NCKAP5: variants seen among roughly 807,000 people sequenced by gnomAD.
The protein encoded by NCKAP5 is nck-associated protein 5.
NCKAP5 carries 92 observed loss-of-function variants against 167.0 expected under a neutral mutation model. The ratio of observed to expected loss-of-function variants is 0.55; its 90% confidence interval spans 0.47 to 0.66. NCKAP5 has a LOEUF of 0.66. Ranked by LOEUF, NCKAP5 falls within the 30% of genes least tolerant of loss-of-function variation. The pLI is 0.00. For missense variants in NCKAP5, 2,378 were observed against 2,315.0 expected (o/e 1.03, Z -0.56); for synonymous variants, 891 against 877.4 (o/e 1.02, Z -0.27).
rs144672164 is a variant in NCKAP5, at chr2:132,868,686, C to T, written c.687+250G>A. On this transcript the variant is annotated intron_variant, in intron 10 of 19. Transcript: ENST00000409261. ...CTAAATAAAAATGGTGGGTTTGCTA[C>T]TCATCTGGGTAAATGAAAATCACCT... Among the ~76,000 whole-genome samples the T allele has an allele frequency of 1.4e-3, 209 of 152,270 alleles. 1 individual carries two copies. Among genetic ancestry groups the T allele is most frequent in the African/African-American group, 4.7e-3 (197 of 41,564 alleles).
At chr2:132,702,837 G>A (rs1688008038) in intron 19 of NCKAP5, among the ~76,000 whole-genome samples, 2 of 152,156 alleles carry the variant, frequency 1.3e-5, no homozygotes, top group African/African-American at 4.8e-5. Flanking sequence ...GACTTGCAGA[G>A]TGATTTTTAG....
intron 3 of NCKAP5, among the ~76,000 whole-genome samples, chr2:133,476,868 T>C (rs573134993): frequency 6.6e-6 from 1 of 152,204 alleles, no homozygotes; most frequent in Non-Finnish European, 1.5e-5. Flanking sequence ...TAGTTACAGA[T>C]GATGCTGTTA....
chr2:132,850,282 A>C (rs1194841415), intron 11 of NCKAP5, among the ~76,000 whole-genome samples: 1 of 152,274 alleles, frequency 6.6e-6, no homozygotes, highest in East Asian at 1.9e-4. Flanking sequence ...CACATTGTCA[A>C]GTCCAAACAG....
intron 5 of NCKAP5, among the ~76,000 whole-genome samples, chr2:133,160,460 G>A (rs114839879): frequency 4.3e-4 from 27 of 62,342 alleles, no homozygotes; most frequent in African/African-American, 7.2e-4. Context: ...TTTTAGCAGC[G>A]TTTATTTGAT....
the NCKAP5 span, among the ~76,000 whole-genome samples, chr2:133,656,401 C>T: frequency 6.6e-6 from 1 of 152,206 alleles, no homozygotes; most frequent in African/African-American, 2.4e-5. Flanking sequence ...TCGCTAAGTG[C>T]TCCGTAAGTA....
chr2:133,476,430 C>T (rs1194270902), intron 3 of NCKAP5, among the ~76,000 whole-genome samples: 3 of 152,184 alleles, frequency 2.0e-5, no homozygotes, highest in African/African-American at 4.8e-5. Context: ...GGGCTGCCCT[C>T]GCATTGGAGA....
intron 6 of NCKAP5, among the ~76,000 whole-genome samples, chr2:133,100,436 T>C (rs1336730746): frequency 6.6e-6 from 1 of 152,136 alleles, no homozygotes; most frequent in East Asian, 1.9e-4. Context: ...AAACAGAAAT[T>C]TAGAAGGACT....
chr2:133,626,877 A>T, the NCKAP5 span, among the ~76,000 whole-genome samples: 1 of 151,968 alleles, frequency 6.6e-6, no homozygotes, highest in Non-Finnish European at 1.5e-5. Flanking sequence ...ACATATATTC[A>T]ATAAAGTTAA....
intron 8 of NCKAP5, among the ~76,000 whole-genome samples, chr2:132,913,314 C>T (rs942757799): frequency 2.6e-5 from 4 of 152,078 alleles, no homozygotes; most frequent in South Asian, 2.1e-4. Context: ...ACTATCTTTA[C>T]ACCATGTCAT....
the NCKAP5 span, among the ~76,000 whole-genome samples, chr2:133,623,108 A>G: frequency 6.6e-6 from 1 of 152,226 alleles, no homozygotes; most frequent in Non-Finnish European, 1.5e-5. Context: ...ATGTAGAAGA[A>G]TGAAACTGGA....
At chr2:133,112,468 C>T (rs557343853) in intron 6 of NCKAP5, among the ~76,000 whole-genome samples, 19 of 142,048 alleles carry the variant, frequency 1.3e-4, no homozygotes, top group Middle Eastern at 3.6e-3. Flanking sequence ...AGTAAGACTC[C>T]GTCTTAAAAA....
At chr2:133,097,151 A>G (rs2081368598) in intron 6 of NCKAP5, among the ~76,000 whole-genome samples, 1 of 152,076 alleles carries the variant, frequency 6.6e-6, no homozygotes, top group Admixed American at 6.5e-5. Flanking sequence ...GACACCCTTG[A>G]CCCTTCACAA....
chr2:133,175,790 C>G (rs1473041089), intron 5 of NCKAP5, among the ~76,000 whole-genome samples: 2 of 152,174 alleles, frequency 1.3e-5, no homozygotes, highest in Non-Finnish European at 2.9e-5. Context: ...GGGTTAGGAG[C>G]CACCATGGAA....
chr2:133,597,205 C>G, the NCKAP5 span, among the ~76,000 whole-genome samples: 2 of 152,210 alleles, frequency 1.3e-5, no homozygotes, highest in Non-Finnish European at 2.9e-5. Flanking sequence ...CAATGCATCT[C>G]TCAAGGAAGT....
At chr2:132,731,716 G>C in intron 17 of NCKAP5, 21 bp downstream of exon 17, 1 of 1,555,624 alleles carries the variant, frequency 6.4e-7, no homozygotes, top group African/African-American at 1.4e-5. Flanking sequence ...TCTTATTAAG[G>C]GTGGGAAATT....
At chr2:133,035,193 C>T (rs149871624) in intron 6 of NCKAP5, among the ~76,000 whole-genome samples, 3 of 151,952 alleles carry the variant, frequency 2.0e-5, no homozygotes, top group African/African-American at 7.2e-5. Flanking sequence ...ATAAAGGCAT[C>T]AATTCAGCAA....
At chr2:133,641,665 G>A in the NCKAP5 span, among the ~76,000 whole-genome samples, 2 of 152,212 alleles carry the variant, frequency 1.3e-5, no homozygotes, top group Non-Finnish European at 2.9e-5. Flanking sequence ...ATGGCCCAGA[G>A]AGATTGTTCT....
intron 6 of NCKAP5, among the ~76,000 whole-genome samples, chr2:133,070,138 C>G (rs2080339927): frequency 6.6e-6 from 1 of 152,104 alleles, no homozygotes; most frequent in South Asian, 2.1e-4. Flanking sequence ...AAAAATGTAT[C>G]ATTTCAGTGT....
At chr2:133,550,569 A>G (rs796721460) in intron 2 of NCKAP5, among the ~76,000 whole-genome samples, 1 of 111,124 alleles carries the variant, frequency 9.0e-6, no homozygotes, top group African/African-American at 3.3e-5. Flanking sequence ...AAAAACTCTC[A>G]ATAAATTAGG....
Sources: gnomAD v4.1 joint callset for allele counts (sites outside exome capture counted in the v4.1 genomes callset) on GRCh38, gnomAD v4.1.1 for gene constraint, MANE v1.5 for transcripts, NCBI Gene and HGNC (gene_info 2026-07-23, HGNC 2026-07-21) for gene names.